Variants in LRRC61 observed in about 807,000 individuals in gnomAD.
LRRC61 encodes the protein leucine rich repeat containing 61, also known as leucine-rich repeat-containing protein 61.
In LRRC61, 9 loss-of-function variants were observed where a neutral mutation model predicts 15.1. The ratio of observed to expected loss-of-function variants is 0.60; its 90% CI spans 0.36 to 1.04. LRRC61 has a LOEUF of 1.04. Ranked by LOEUF, LRRC61 falls within the 50% of genes least tolerant of loss-of-function variation. LRRC61 has a pLI of 0.01. For missense variants in LRRC61, 344 were observed against 335.6 expected (o/e 1.03, Z -0.20); for synonymous variants, 173 against 158.6 (o/e 1.09, Z -0.68).
the LRRC61 span, among the ~76,000 whole-genome samples, chr7:150,316,766 G>A: frequency 6.6e-6 from 1 of 152,200 alleles, no homozygotes; most frequent in East Asian, 1.9e-4. Flanking sequence ...TTACAGGCAT[G>A]AGCCACCACG....
chr7:150,334,971 G>A (rs527670175), intron 2 of LRRC61, among the ~76,000 whole-genome samples: 7 of 150,858 alleles, frequency 4.6e-5, no homozygotes, highest in African/African-American at 1.5e-4. Context: ...GCGGTGAGCC[G>A]AGATCGCGCC....
chr7:150,314,671 G>A, the LRRC61 span, among the ~76,000 whole-genome samples: 1 of 151,554 alleles, frequency 6.6e-6, no homozygotes, highest in Non-Finnish European at 1.5e-5. Flanking sequence ...GGCTGAGCTT[G>A]GTGGCTCATG....
At position 150,335,329 on chromosome 7, in the gene LRRC61, A is replaced by C. The variant is rs1400005165; in HGVS notation, c.-144-1389A>C. Among the ~76,000 whole-genome samples the C allele has an allele frequency of 6.6e-6, 1 of 152,262 alleles. No homozygotes were observed. Among genetic ancestry groups the C allele is most frequent in the Non-Finnish European group, 1.5e-5 (1 of 68,048 alleles). ...TCCACACTTCTTGGCAGATGCTTCC[A>C]GTCTCTTTTGGAAAGTATATATAAA... is the stretch of plus-strand genomic sequence containing the variant. On this transcript the variant is annotated intron_variant, in intron 2 of 2. Coordinates refer to ENST00000359623, the MANE Select transcript of LRRC61 (RefSeq NM_001142928.2). The surrounding 1 kb of genome is among the most constrained non-coding windows in gnomAD (Gnocchi z 4.3).
chr7:150,332,540 C>G (rs116043582), intron 2 of LRRC61: 241 of 167,178 alleles, frequency 1.4e-3, no homozygotes, highest in African/African-American at 5.7e-3. Flanking sequence ...TTGGATATTA[C>G]TGAAAATGTA....
At chr7:150,331,062 C>G (rs183629147) in intron 2 of LRRC61, 5 of 1,612,280 alleles carry the variant, frequency 3.1e-6, no homozygotes, top group Non-Finnish European at 4.2e-6. Context: ...GGAGAAGAAG[C>G]GAGAAGCCTG....
the LRRC61 span, among the ~76,000 whole-genome samples, chr7:150,313,958 G>C: frequency 6.6e-6 from 1 of 152,194 alleles, no homozygotes. Flanking sequence ...AGTGTTAGTG[G>C]CAGAAATGAA....
chr7:150,329,160 A>G (rs1323522515), intron 2 of LRRC61, among the ~76,000 whole-genome samples: 1 of 152,248 alleles, frequency 6.6e-6, no homozygotes. Flanking sequence ...TGGGTCCTCC[A>G]TATAGTTGCT....
intron 1 of LRRC61, among the ~76,000 whole-genome samples, chr7:150,325,135 G>C (rs948569888): frequency 6.6e-6 from 1 of 152,202 alleles, no homozygotes; most frequent in Non-Finnish European, 1.5e-5. Flanking sequence ...GAGGCTCACT[G>C]TGGAGGCGCT....
At chr7:150,314,701 G>A in the LRRC61 span, among the ~76,000 whole-genome samples, 1 of 151,072 alleles carries the variant, frequency 6.6e-6, no homozygotes, top group Non-Finnish European at 1.5e-5. Flanking sequence ...CCAGTACTTG[G>A]GAAGGCTGAG....
In LRRC61 at chr7:150,337,875, C is replaced by T. The variant is rs878998147; in HGVS notation, c.*234C>T. On this transcript the variant is annotated 3_prime_UTR_variant, in exon 3 of 3. Coordinates refer to ENST00000359623, the MANE Select transcript of LRRC61 (RefSeq NM_001142928.2). ...GCTCCCACATCCGTGAGCCTGTGTC[C>T]GCAGCTGCTGCCACTCTGGGCTGCT... The T allele has an allele frequency of 1.4e-5, 8 of 568,370 alleles. No individual in the cohort carries two copies. Among genetic ancestry groups the T allele is most frequent in the African/African-American group, 7.6e-5 (4 of 52,588 alleles). The allele number at this position is 568,370 out of a possible 1,614,324, so 35.2% of individuals were successfully genotyped here.
chr7:150,326,056 G>C (rs1442359459), intron 2 of LRRC61, 46 bp downstream of exon 2: 1 of 152,340 alleles, frequency 6.6e-6, no homozygotes, highest in East Asian at 1.9e-4. Context: ...CAGTGTAATA[G>C]ACCCTGTTTC....
At chr7:150,312,556 G>A in the LRRC61 span, among the ~76,000 whole-genome samples, 1 of 152,142 alleles carries the variant, frequency 6.6e-6, no homozygotes, top group Admixed American at 6.5e-5. Context: ...ACTGTTTTTA[G>A]AGAACTTATT....
chr7:150,312,366 C>T, the LRRC61 span, among the ~76,000 whole-genome samples: 10 of 152,308 alleles, frequency 6.6e-5, no homozygotes, highest in Admixed American at 2.6e-4. Flanking sequence ...TGAACTTCTC[C>T]GTTCAGACCG....
At chr7:150,320,308 TG>T (rs1344484252), upstream of LRRC61, among the ~76,000 whole-genome samples, 1 of 152,236 alleles carries the variant, frequency 6.6e-6, no homozygotes, top group Non-Finnish European at 1.5e-5. Context: ...AATGCTTGTT[TG>T]TGTAGGATAT....
chr7:150,327,630 G>A (rs1398252906), intron 2 of LRRC61, among the ~76,000 whole-genome samples: 1 of 152,030 alleles, frequency 6.6e-6, no homozygotes, highest in Non-Finnish European at 1.5e-5. Flanking sequence ...TCCAGCCTGG[G>A]CAACATAGTG....
At chr7:150,311,490 C>T in the LRRC61 span, among the ~76,000 whole-genome samples, 1 of 152,218 alleles carries the variant, frequency 6.6e-6, no homozygotes, top group Non-Finnish European at 1.5e-5. Context: ...TTCACACTTA[C>T]TGTCTGCCCC....
rs1287404256 is a variant in LRRC61 at position 150,338,043 on chromosome 7, C to T, written c.*402C>T. The T allele has an allele frequency of 9.5e-6, 4 of 423,098 alleles. No individual in the cohort carries two copies. Among genetic ancestry groups the T allele is most frequent in the Non-Finnish European group, 1.8e-5 (4 of 221,284 alleles). The allele number at this position is 423,098 out of a possible 1,614,324, so 26.2% of individuals were successfully genotyped here. ...AGAGCACTCCTGGAAGTGGGACTCC[C>T]CTGCCTTGCAAATGTGCCTCTCCAG... is the stretch of plus-strand genomic sequence containing the variant. On this transcript the variant is annotated 3_prime_UTR_variant, in exon 3 of 3. Transcript: ENST00000359623.
chr7:150,319,910 T>A, upstream of LRRC61, among the ~76,000 whole-genome samples: 1 of 152,212 alleles, frequency 6.6e-6, no homozygotes. Flanking sequence ...TGATTTTAGG[T>A]CAACCCTCCT....
intron 1 of LRRC61, chr7:150,323,790 G>C (rs767487554): frequency 2.3e-6 from 1 of 436,676 alleles, no homozygotes; most frequent in Non-Finnish European, 4.6e-6. Flanking sequence ...AATCTCATGA[G>C]GCGGGTGCTG....
Sources: allele counts gnomAD v4.1 joint callset (sites outside exome capture counted in the v4.1 genomes callset), GRCh38; gene constraint gnomAD v4.1.1; non-coding constraint Gnocchi (gnomAD v3.1); transcripts MANE v1.5; gene names NCBI Gene and HGNC (gene_info 2026-07-23, HGNC 2026-07-21).